Variants in DMD observed in about 807,000 individuals in gnomAD.
The protein encoded by DMD is mutant dystrophin.
DMD carries 63 observed loss-of-function variants against 330.1 expected under a neutral mutation model. The ratio of observed to expected loss-of-function variants is 0.19; its 90% CI spans 0.16 to 0.24. The LOEUF (loss-of-function observed/expected upper bound fraction) is 0.24, where lower values mean the gene tolerates loss of function less well. Ranked by LOEUF, DMD falls within the 10% of genes least tolerant of loss-of-function variation. The pLI, the probability that DMD is intolerant of heterozygous loss-of-function variation, is 1.00. For synonymous variants in DMD, 1,223 were observed against 959.8 expected, an observed-to-expected ratio of 1.27 and a Z score of -5.07; for missense variants, 3,344 against 2,684.1, an observed-to-expected ratio of 1.25 and a Z score of -5.43.
At chrX:32,068,368 C>T (rs1362239291) in intron 44 of DMD, among the ~76,000 whole-genome samples, 3 of 78,010 alleles carry the variant, frequency 3.8e-5, no homozygotes, top group South Asian at 1.4e-3. Flanking sequence ...TAAGTCCTTG[C>T]TTGTCATTTT....
intron 55 of DMD, among the ~76,000 whole-genome samples, chrX:31,539,618 G>A (rs774254428): frequency 1.8e-5 from 2 of 111,867 alleles, no homozygotes; most frequent in Non-Finnish European, 3.8e-5. Context: ...GTTATAAGTA[G>A]TAGGGGTCAT....
At chrX:31,173,461 G>C in intron 72 of DMD, 78 bp downstream of exon 72, 1 of 1,098,493 alleles carries the variant, frequency 9.1e-7, no homozygotes, top group East Asian at 3.1e-5. Flanking sequence ...GAAAAGATTT[G>C]TTTAAAATAT....
chrX:32,333,369 T>A (rs2148736828), intron 41 of DMD, among the ~76,000 whole-genome samples: 1 of 111,428 alleles, frequency 9.0e-6, no homozygotes, highest in East Asian at 2.8e-4. Context: ...CAGTACACAA[T>A]TCTAGGTTCC....
intron 44 of DMD, among the ~76,000 whole-genome samples, chrX:32,184,005 G>A (rs893174851): frequency 5.4e-5 from 6 of 110,179 alleles, no homozygotes; most frequent in Admixed American, 2.0e-4. Flanking sequence ...TTTAAAATCC[G>A]CATTCGAAAT....
chrX:32,402,517 C>A (rs1234795373), intron 30 of DMD, among the ~76,000 whole-genome samples: 3 of 111,243 alleles, frequency 2.7e-5, no homozygotes, highest in Non-Finnish European at 5.7e-5. Flanking sequence ...CTCAACCATT[C>A]ATCTAGTGTT....
At chrX:31,404,015 C>T (rs2061306405) in intron 60 of DMD, among the ~76,000 whole-genome samples, 1 of 107,926 alleles carries the variant, frequency 9.3e-6, no homozygotes, top group South Asian at 3.9e-4. Context: ...TGAATTTCTC[C>T]CTCCCTTCCT....
In DMD at chrX:32,905,494, A is replaced by G. The variant is rs1011244295; in HGVS notation, c.94-55674T>C. Among the ~76,000 whole-genome samples, 11 of 111,493 alleles carry G rather than the reference A, an allele frequency of 9.9e-5. No homozygotes were observed. In the South Asian group the frequency reaches 1.5e-3, roughly 15 times the overall value. Reference sequence around the variant, plus strand: ...CTTTCATTCTTTGGGTCTTAGCATAAACACCACCTCCCCCAACACCACCTG... The same window carrying G: ...CTTTCATTCTTTGGGTCTTAGCATAGACACCACCTCCCCCAACACCACCTG... On this transcript the variant is annotated intron_variant, in intron 2 of 78. Coordinates refer to ENST00000357033, the MANE Select transcript of DMD (RefSeq NM_004006.3).
At chrX:33,220,105 T>C (rs1322388573) in intron 1 of DMD, among the ~76,000 whole-genome samples, 1 of 111,776 alleles carries the variant, frequency 8.9e-6, no homozygotes, top group Non-Finnish European at 1.9e-5. Context: ...GGAACACAAA[T>C]ATCCAAACCT....
chrX:33,195,732 TTGTGTGTGTGTG>T (rs71969580), intron 1 of DMD, among the ~76,000 whole-genome samples: 4 of 97,701 alleles, frequency 4.1e-5, no homozygotes, highest in Non-Finnish European at 8.3e-5. Context: ...CTGTTCTATT[TTGTGTGTGTGTG>T]TGTGTGTGTG....
At chrX:31,985,371 G>A (rs1262993328) in intron 44 of DMD, among the ~76,000 whole-genome samples, 1 of 112,269 alleles carries the variant, frequency 8.9e-6, no homozygotes, top group African/African-American at 3.2e-5. Context: ...ATAAATAGCT[G>A]TGTAGAAGAA....
chrX:32,679,713 A>C (rs1200869285), intron 9 of DMD, among the ~76,000 whole-genome samples: 1 of 109,259 alleles, frequency 9.2e-6, no homozygotes, highest in Non-Finnish European at 1.9e-5. Context: ...GATTTAGGTA[A>C]ATAATAAAAT....
At chrX:32,721,469 T>C (rs772342757) in intron 7 of DMD, among the ~76,000 whole-genome samples, 2 of 110,463 alleles carry the variant, frequency 1.8e-5, no homozygotes, top group Admixed American at 9.7e-5. Flanking sequence ...TTGAGCACGT[T>C]TTAATTTCCC....
intron 1 of DMD, among the ~76,000 whole-genome samples, chrX:33,138,588 ACT>A: frequency 9.2e-6 from 1 of 108,481 alleles, no homozygotes; most frequent in African/African-American, 3.4e-5. Context: ...TTCCCTAAAC[ACT>A]CTATCTCCAT....
At chrX:31,445,765 T>C (rs1421185766) in intron 59 of DMD, among the ~76,000 whole-genome samples, 2 of 111,453 alleles carry the variant, frequency 1.8e-5, no homozygotes, top group African/African-American at 3.3e-5. Context: ...AGCAATCCGT[T>C]GAGCAGAAGA....
chrX:31,955,532 C>T (rs1373807838), intron 45 of DMD, among the ~76,000 whole-genome samples: 2 of 112,079 alleles, frequency 1.8e-5, no homozygotes, highest in Non-Finnish European at 3.8e-5. Flanking sequence ...TGCTGCCATG[C>T]TTTGCTTATG....
intron 72 of DMD, 78 bp from the exon 73 acceptor site, chrX:31,172,491 A>G: frequency 1.4e-6 from 1 of 737,740 alleles, no homozygotes; most frequent in African/African-American, 2.0e-5. Flanking sequence ...AACATTCCTG[A>G]AAACTAAAGG....
intron 7 of DMD, among the ~76,000 whole-genome samples, chrX:32,795,489 G>C (rs1430011227): frequency 1.8e-5 from 2 of 111,814 alleles, no homozygotes; most frequent in African/African-American, 6.5e-5. Flanking sequence ...AGGATTTAAA[G>C]GTAAGACCTA....
chrX:32,791,128 A>G (rs1163621168), intron 7 of DMD, among the ~76,000 whole-genome samples: 3 of 111,385 alleles, frequency 2.7e-5, no homozygotes, highest in Non-Finnish European at 5.7e-5. Flanking sequence ...GTCAACCTAC[A>G]TGCACCATCT....
chrX:32,345,789 C>A (rs1471868690), intron 39 of DMD, among the ~76,000 whole-genome samples, 154 bp downstream of exon 39: 1 of 110,462 alleles, frequency 9.1e-6, no homozygotes, highest in Non-Finnish European at 1.9e-5. Flanking sequence ...TCAAATACCA[C>A]TCAAAAATGT....
Sources: gnomAD v4.1 joint callset for allele counts (sites outside exome capture counted in the v4.1 genomes callset) on GRCh38, gnomAD v4.1.1 for gene constraint, MANE v1.5 for transcripts, NCBI Gene and HGNC (gene_info 2026-07-23, HGNC 2026-07-21) for gene names.